The following TP53I13 variants were observed in gnomAD, a reference collection of about 807,000 sequenced individuals.
The protein encoded by TP53I13 is tumor protein p53 inducible protein 13, also known as tumor protein p53-inducible protein 13.
A neutral mutation model predicts 39.1 loss-of-function variants in TP53I13; 27 were observed. The observed-to-expected ratio is 0.69, with a 90% CI of 0.51 to 0.95. The LOEUF (loss-of-function observed/expected upper bound fraction) is 0.95, where lower values mean the gene tolerates loss of function less well. Ranked by LOEUF, TP53I13 falls within the 40% of genes least tolerant of loss-of-function variation. The probability of loss-of-function intolerance (pLI) is 0.00; values close to 1 mark genes in which losing one functional copy is unlikely to be tolerated. For missense variants in TP53I13, 544 were observed against 520.4 expected (o/e 1.05, Z -0.44); for synonymous variants, 230 against 224.6 (o/e 1.02, Z -0.22).
chr17:29,568,856 C>CCTCG lies in TP53I13; in HGVS notation c.72+27_72+30dup, dbSNP rs1291464777. On this transcript the variant is annotated intron_variant, in intron 1 of 6. Transcript: ENST00000301057. This position sits in a 1 kb window ranked among gnomAD's most constrained non-coding sequence, Gnocchi z 4.5. Reference sequence around the variant, plus strand: ...GTAAGGTGACCCGCTCCTGGGAAGGCCTCGGCCCGCGAGCTCAAAGCGCTT... The same window carrying CCTCG: ...GTAAGGTGACCCGCTCCTGGGAAGGCCTCGCTCGGCCCGCGAGCTCAAAGCGCTT... 6.3e-7 allele frequency: 1 copy of CCTCG among 1,599,570 alleles called. No homozygotes were observed. The highest frequency in any genetic ancestry group is 1.7e-5 in the Admixed American group (1 of 59,890).
chr17:29,581,412 C>T, the TP53I13 span: 2 of 1,584,304 alleles, frequency 1.3e-6, no homozygotes, highest in African/African-American at 2.7e-5. This position sits in a 1 kb window ranked among gnomAD's most constrained non-coding sequence, Gnocchi z 4.8. Flanking sequence ...AAGTCACTCA[C>T]TAGTGCTGGG....
In TP53I13 at chr17:29,568,829, A is replaced by C. The variant is rs1598549061; in HGVS notation, c.71A>C (p.Glu24Ala). The C allele has an allele frequency of 1.3e-6, 2 of 1,599,684 alleles. No individual in the cohort carries two copies. Among genetic ancestry groups the C allele is most frequent in the African/African-American group, 2.7e-5 (2 of 74,954 alleles). ...AALARLLGPS[E>A]VMAGPAEEAG... ...CTCGCGAGGCTCCTGGGTCCCAGCGAGGTAAGGTGACCCGCTCCTGGGAAG... is the reference window on the plus strand; with the variant it reads ...CTCGCGAGGCTCCTGGGTCCCAGCGCGGTAAGGTGACCCGCTCCTGGGAAG... The change falls in exon 1 of 7, where the codon GAG becomes GCG. Residue 24 changes from glutamate to alanine, a missense_variant and splice_region_variant. Glu to Ala is a moderately radical substitution (Grantham distance 107). Coordinates refer to ENST00000301057, the MANE Select transcript of TP53I13 (RefSeq NM_138349.4). The surrounding 1 kb of genome is among the most constrained non-coding windows in gnomAD (Gnocchi z 4.5).
At chr17:29,575,176 C>A (rs373722852), downstream of TP53I13, 14 of 1,572,116 alleles carry the variant, frequency 8.9e-6, no homozygotes, top group Non-Finnish European at 1.2e-5. This position sits in a 1 kb window ranked among gnomAD's most constrained non-coding sequence, Gnocchi z 5.5. Flanking sequence ...AAGCAGGGGG[C>A]TCTCAAGGGA....
At chr17:29,576,887 G>T (rs775458725), downstream of TP53I13, 10 of 1,575,104 alleles carry the variant, frequency 6.3e-6, no homozygotes, top group Non-Finnish European at 8.6e-6. Context: ...TCCGAGTGGC[G>T]CCGGTGCTGC....
chr17:29,576,296 G>C (rs1471537920), downstream of TP53I13: 1 of 1,612,726 alleles, frequency 6.2e-7, no homozygotes, highest in Admixed American at 1.7e-5. Flanking sequence ...GGCAGAGCCA[G>C]GTTCATACAT....
chr17:29,567,108 G>C (rs1413770732), upstream of TP53I13: 3 of 637,668 alleles, frequency 4.7e-6, no homozygotes, highest in African/African-American at 2.0e-5. The surrounding 1 kb of genome is among the most constrained non-coding windows in gnomAD (Gnocchi z 6.6). Flanking sequence ...GGCCGTGGCC[G>C]GGCAGAGGCA....
chr17:29,572,774 G>A (rs2033007457), intron 6 of TP53I13, 38 bp from the exon 7 acceptor site: 1 of 1,443,830 alleles, frequency 6.9e-7, no homozygotes, highest in African/African-American at 1.4e-5. Context: ...TAGCTTCCCT[G>A]CCCTCCCGCC....
chr17:29,567,159 C>A, upstream of TP53I13: 1 of 234,498 alleles, frequency 4.3e-6, no homozygotes, highest in Non-Finnish European at 7.5e-6. The surrounding 1 kb of genome is among the most constrained non-coding windows in gnomAD (Gnocchi z 6.6). Flanking sequence ...CCCCCACCCC[C>A]GCCCCGGCCC....
chr17:29,578,900 C>A, the TP53I13 span: 3 of 1,585,826 alleles, frequency 1.9e-6, no homozygotes, highest in South Asian at 3.3e-5. Flanking sequence ...AGATGCTGCA[C>A]ACCAAATGCC....
downstream of TP53I13, chr17:29,577,554 A>G: frequency 1.2e-6 from 1 of 863,702 alleles, no homozygotes; most frequent in Non-Finnish European, 2.0e-6. Context: ...CAAATGCTGG[A>G]GAGCTGGCTC....
At chr17:29,575,056 G>A, downstream of TP53I13, 1 of 1,562,112 alleles carries the variant, frequency 6.4e-7, no homozygotes, top group Non-Finnish European at 8.7e-7. The surrounding 1 kb of genome is among the most constrained non-coding windows in gnomAD (Gnocchi z 5.5). Context: ...TCCCACTCCT[G>A]GTCCTCTCTT....
chr17:29,567,072 C>T, upstream of TP53I13: 4 of 1,018,274 alleles, frequency 3.9e-6, no homozygotes, highest in Non-Finnish European at 3.6e-6. This position sits in a 1 kb window ranked among gnomAD's most constrained non-coding sequence, Gnocchi z 6.6. Flanking sequence ...TGCCCAGGGC[C>T]CTCCCGCGCG....
chr17:29,568,581 T>G, upstream of TP53I13: 1 of 185,762 alleles, frequency 5.4e-6, no homozygotes, highest in Non-Finnish European at 1.0e-5. This position sits in a 1 kb window ranked among gnomAD's most constrained non-coding sequence, Gnocchi z 4.5. Flanking sequence ...TGGGCGGGCA[T>G]TGGGGCGGGG....
chr17:29,575,869 C>T, downstream of TP53I13: 1 of 1,611,234 alleles, frequency 6.2e-7, no homozygotes, highest in Non-Finnish European at 8.5e-7. This position sits in a 1 kb window ranked among gnomAD's most constrained non-coding sequence, Gnocchi z 5.5. Flanking sequence ...GAGTGAAGGG[C>T]ACAGCTGAGG....
upstream of TP53I13, among the ~76,000 whole-genome samples, chr17:29,567,695 G>T (rs1223439612): frequency 6.6e-6 from 1 of 152,128 alleles, no homozygotes; most frequent in East Asian, 1.9e-4. This position sits in a 1 kb window ranked among gnomAD's most constrained non-coding sequence, Gnocchi z 6.6. Flanking sequence ...TCCTCAGCCC[G>T]GGAGTGGCTT....
At chr17:29,580,967 C>T in the TP53I13 span, 16 of 255,058 alleles carry the variant, frequency 6.3e-5, no homozygotes, top group Middle Eastern at 1.5e-3. Flanking sequence ...TTGGTAGAGA[C>T]GGGGTTTCTC....
At chr17:29,581,225 G>T in the TP53I13 span, 5 of 783,884 alleles carry the variant, frequency 6.4e-6, no homozygotes, top group East Asian at 5.0e-5. The surrounding 1 kb of genome is among the most constrained non-coding windows in gnomAD (Gnocchi z 4.8). Context: ...TCTAGTCTCT[G>T]GGGGGAGGGA....
At chr17:29,578,953 A>G in the TP53I13 span, 1 of 1,613,510 alleles carries the variant, frequency 6.2e-7, no homozygotes. Context: ...CCCGGCAGGC[A>G]CCATATACCT....
rs948108634 is a variant in TP53I13, at chr17:29,573,155, A to G, written c.*231A>G. The G allele has an allele frequency of 2.2e-5, 9 of 407,772 alleles. No individual in the cohort carries two copies. In the East Asian group the frequency reaches 3.7e-4, roughly 17 times the overall value. 25.3% of individuals were successfully genotyped at this position (407,772 alleles called of 1,614,324 possible). A position where few individuals can be genotyped will look rare whatever the true frequency, so the allele number is the denominator to read the frequency against. On this transcript the variant is annotated 3_prime_UTR_variant, in exon 7 of 7. Coordinates refer to ENST00000301057, the MANE Select transcript of TP53I13 (RefSeq NM_138349.4). Reference sequence around the variant, plus strand: ...CGTTTCTAATTAAATTATTTTTAGTAGACTCTGGAGTTGAGCTTGTGCATC... The same window carrying G: ...CGTTTCTAATTAAATTATTTTTAGTGGACTCTGGAGTTGAGCTTGTGCATC...
Sources: allele counts gnomAD v4.1 joint callset (sites outside exome capture counted in the v4.1 genomes callset), GRCh38; gene constraint gnomAD v4.1.1; non-coding constraint Gnocchi (gnomAD v3.1); transcripts MANE v1.5; gene names NCBI Gene and HGNC (gene_info 2026-07-23, HGNC 2026-07-21).